The following IQGAP1 variants were observed in gnomAD, a reference collection of about 807,000 sequenced individuals.
IQGAP1 encodes the protein IQ motif containing GTPase activating protein 1, also known as ras GTPase-activating-like protein IQGAP1.
IQGAP1 carries 66 observed loss-of-function variants against 215.6 expected under a neutral mutation model. That is an observed-to-expected ratio of 0.31 (90% CI 0.25 to 0.38). The LOEUF is 0.38. Ranked by LOEUF, IQGAP1 falls within the 10% of genes least tolerant of loss-of-function variation. The pLI, the probability that IQGAP1 is intolerant of heterozygous loss-of-function variation, is 1.00. For missense variants in IQGAP1, 1,712 were observed against 1,997.1 expected (o/e 0.86, Z 2.72); for synonymous variants, 772 against 728.7 (o/e 1.06, Z -0.96).
chr15:90,440,018 T>C (rs987042865), intron 6 of IQGAP1, among the ~76,000 whole-genome samples: 14 of 152,244 alleles, frequency 9.2e-5, no homozygotes, highest in African/African-American at 1.4e-4. Flanking sequence ...TTGTCCATGA[T>C]ATTTTTTCCT....
chr15:90,449,592 C>G lies in IQGAP1; in HGVS notation c.1111C>G (p.Leu371Val), dbSNP rs139093304. The G allele has an allele frequency of 1.2e-6, 2 of 1,613,024 alleles. No homozygotes were observed. The highest frequency in any genetic ancestry group is 1.7e-5 in the Admixed American group (1 of 59,882). ...GQTDPLQKEE[L>V]QSGVDAANSA... is the part of the protein sequence containing the mutation. ...GACTGACCCCCTGCAGAAGGAGGAG[C>G]TGCAGTCTGGAGTGGATGCTGCAAA... The change falls in exon 11 of 38, where the codon CTG (leucine) becomes GTG (valine). Residue 371 changes from leucine to valine, a missense_variant. By Grantham distance (32) the Leu-to-Val change is conservative (BLOSUM62 1). This residue lies in a region of IQGAP1 where 1,021 missense variants were observed against 1,074.2 expected (regional missense o/e 0.95). Transcript: ENST00000268182.
At chr15:90,414,703 C>T (rs1172125787) in intron 2 of IQGAP1, among the ~76,000 whole-genome samples, 1 of 152,152 alleles carries the variant, frequency 6.6e-6, no homozygotes, top group East Asian at 1.9e-4. Context: ...TCCACAGCCT[C>T]TTTCTCTGTG....
At chr15:90,408,938 C>T (rs1596252349) in intron 2 of IQGAP1, among the ~76,000 whole-genome samples, 1 of 152,162 alleles carries the variant, frequency 6.6e-6, no homozygotes, top group East Asian at 1.9e-4. Context: ...ACTGCAGATG[C>T]ATGCCACCAT....
chr15:90,424,513 G>C (rs773827345), intron 2 of IQGAP1, among the ~76,000 whole-genome samples: 3 of 152,166 alleles, frequency 2.0e-5, no homozygotes, highest in African/African-American at 7.2e-5. Flanking sequence ...TAGAGAGTAC[G>C]CTGCCTAATT....
At chr15:90,457,897 T>C (rs1343614685) in intron 15 of IQGAP1, among the ~76,000 whole-genome samples, 3 of 152,242 alleles carry the variant, frequency 2.0e-5, no homozygotes, top group Non-Finnish European at 4.4e-5. Context: ...GACAACTTAA[T>C]TGAAACGTAA....
At chr15:90,414,949 A>G (rs936586154) in intron 2 of IQGAP1, among the ~76,000 whole-genome samples, 2 of 152,222 alleles carry the variant, frequency 1.3e-5, no homozygotes, top group African/African-American at 4.8e-5. Flanking sequence ...GCAAGTCACC[A>G]AATCATCTTT....
At chr15:90,394,477 C>G (rs1308963043) in intron 2 of IQGAP1, among the ~76,000 whole-genome samples, 1 of 152,070 alleles carries the variant, frequency 6.6e-6, no homozygotes, top group African/African-American at 2.4e-5. Context: ...CTGCTGCCAC[C>G]CCTAAAAAGT....
intron 10 of IQGAP1, among the ~76,000 whole-genome samples, chr15:90,448,961 C>A (rs1439370718): frequency 1.3e-5 from 2 of 152,014 alleles, no homozygotes; most frequent in Non-Finnish European, 2.9e-5. Flanking sequence ...CAGACAATAC[C>A]CACCCATCCC....
chr15:90,444,648 T>C (rs1965502244), intron 9 of IQGAP1, among the ~76,000 whole-genome samples: 1 of 152,200 alleles, frequency 6.6e-6, no homozygotes, highest in African/African-American at 2.4e-5. Context: ...TATGTGTTAC[T>C]TTTGGGAAAT....
intron 35 of IQGAP1, among the ~76,000 whole-genome samples, chr15:90,493,074 C>T (rs1161947970): frequency 1.3e-5 from 2 of 152,064 alleles, no homozygotes; most frequent in Non-Finnish European, 2.9e-5. Context: ...GATACCCCAT[C>T]TCTACTAAAA....
At chr15:90,444,719 A>G (rs1418509240) in intron 9 of IQGAP1, among the ~76,000 whole-genome samples, 3 of 152,278 alleles carry the variant, frequency 2.0e-5, no homozygotes, top group Non-Finnish European at 4.4e-5. Context: ...TGACTACTTC[A>G]TACTTGCCAG....
chr15:90,440,333 AC>A (rs1965430536), intron 6 of IQGAP1, among the ~76,000 whole-genome samples, 168 bp from the exon 7 acceptor site: 1 of 152,214 alleles, frequency 6.6e-6, no homozygotes, highest in Non-Finnish European at 1.5e-5. Flanking sequence ...CATTTTATAT[AC>A]TAGTTACTGT....
At chr15:90,454,579 A>G in intron 14 of IQGAP1, 27 bp downstream of exon 14, 2 of 1,515,968 alleles carry the variant, frequency 1.3e-6, no homozygotes, top group Non-Finnish European at 1.8e-6. Flanking sequence ...TCCTCCCCAA[A>G]TAATGTCACC....
At chr15:90,486,901 C>T in intron 31 of IQGAP1, 53 bp from the exon 32 acceptor site, 2 of 1,549,732 alleles carry the variant, frequency 1.3e-6, no homozygotes, top group Non-Finnish European at 1.8e-6. Flanking sequence ...TATTTCCCCC[C>T]AATATCTCCT....
chr15:90,480,869 T>C (rs1292576212), intron 26 of IQGAP1, among the ~76,000 whole-genome samples: 1 of 152,222 alleles, frequency 6.6e-6, no homozygotes, highest in Non-Finnish European at 1.5e-5. Flanking sequence ...GGTTTCTCCA[T>C]GTTGGCCAGG....
chr15:90,449,092 A>G (rs1363352227), intron 10 of IQGAP1, among the ~76,000 whole-genome samples: 1 of 151,756 alleles, frequency 6.6e-6, no homozygotes, highest in Non-Finnish European at 1.5e-5. Context: ...ACTGCACCTT[A>G]TTAGTTTGCT....
At chr15:90,485,221 T>C (rs1344123435) in intron 30 of IQGAP1, among the ~76,000 whole-genome samples, 1 of 152,200 alleles carries the variant, frequency 6.6e-6, no homozygotes, top group Non-Finnish European at 1.5e-5. Context: ...TCTGAGGGCA[T>C]CACTGGGGAT....
chr15:90,399,459 C>A (rs976092970), intron 2 of IQGAP1, among the ~76,000 whole-genome samples: 4 of 152,032 alleles, frequency 2.6e-5, no homozygotes, highest in African/African-American at 9.7e-5. Context: ...TTTGTGAGCT[C>A]TTTTATAACA....
rs552222380 is a variant in IQGAP1, at chr15:90,496,306, C to CTTTTTTTTTTTTTTTTTTT, written c.4752-915_4752-897dup. 3.9e-4 allele frequency among the ~76,000 whole-genome samples: 41 copies of CTTTTTTTTTTTTTTTTTTT among 106,110 alleles called. 1 individual carries two copies. The highest frequency in any genetic ancestry group is 1.8e-3 in the African/African-American group (40 of 22,578). 69.6% of individuals were successfully genotyped at this position (106,110 alleles called of 152,430 possible). On this transcript the variant is annotated intron_variant, in intron 36 of 37. Transcript: ENST00000268182. ...GATCATCCAGAGAACAGCATAATCC[C>CTTTTTTTTTTTTTTTTTTT]TTTTTTTTTTTTTTTTTTTTTTTTT...
Sources: gnomAD v4.1 joint callset for allele counts (sites outside exome capture counted in the v4.1 genomes callset) on GRCh38, gnomAD v4.1.1 for gene constraint, gnomAD v4.1.1 regional missense constraint, MANE v1.5 for transcripts, NCBI Gene and HGNC (gene_info 2026-07-23, HGNC 2026-07-21) for gene names.